The following ENPP7 variants were observed in gnomAD, a reference collection of about 807,000 sequenced individuals.
The protein encoded by ENPP7 is ectonucleotide pyrophosphatase/phosphodiesterase family member 7.
Under a neutral mutation model 33.6 loss-of-function variants are expected in ENPP7, and 39 were observed. The observed-to-expected ratio is 1.16, with a 90% CI of 0.90 to 1.52. ENPP7 has a LOEUF of 1.52. ENPP7 is among the 40% of genes most tolerant of loss of function. The pLI, the probability that ENPP7 is intolerant of heterozygous loss-of-function variation, is 0.00. For missense variants in ENPP7, 594 were observed against 641.0 expected (o/e 0.93, Z 0.79); for synonymous variants, 244 against 274.3 (o/e 0.89, Z 1.09).
intron 1 of ENPP7, among the ~76,000 whole-genome samples, chr17:79,732,925 C>A (rs1272075078): frequency 6.6e-6 from 1 of 152,238 alleles, no homozygotes; most frequent in Non-Finnish European, 1.5e-5. Context: ...CTCCCGTCTG[C>A]GCAGCGCCTC....
intron 5 of ENPP7, among the ~76,000 whole-genome samples, chr17:79,740,746 C>T (rs1905466052): frequency 6.6e-6 from 1 of 152,208 alleles, no homozygotes; most frequent in Non-Finnish European, 1.5e-5. Context: ...CCTCAAAAAG[C>T]CCTGCTGTTG....
At chr17:79,732,096 TA>T (rs2094286457) in intron 1 of ENPP7, among the ~76,000 whole-genome samples, 2 of 74,740 alleles carry the variant, frequency 2.7e-5, no homozygotes, top group Non-Finnish European at 5.8e-5. Flanking sequence ...AGACTGCATA[TA>T]ATATATATAT....
Position 79,741,102 on chromosome 17 carries a change from A to G in ENPP7, c.*17-692A>G, listed in dbSNP as rs1438466645. ...TGGGCTCAAGCAATCCTCCCATCTC[A>G]GCCTCCTGAGTAGCTGAGACTACAG... On this transcript the variant is annotated intron_variant, in intron 5 of 5. Coordinates refer to ENST00000328313, the MANE Select transcript of ENPP7 (RefSeq NM_178543.5). 2.0e-5 allele frequency among the ~76,000 whole-genome samples: 3 copies of G among 152,122 alleles called. No homozygotes were observed. The East Asian group carries it at 5.8e-4, about 29-fold the overall frequency.
intron 2 of ENPP7, among the ~76,000 whole-genome samples, chr17:79,734,272 G>A (rs944230357): frequency 6.6e-5 from 10 of 151,682 alleles, no homozygotes; most frequent in South Asian, 2.1e-4. Flanking sequence ...GCCCACCCCA[G>A]AGCCAAGTTA....
Position 79,738,095 on chromosome 17 carries a change from G to A in ENPP7, c.*16+33G>A, listed in dbSNP as rs1555824020. The A allele has an allele frequency of 6.3e-7, 1 of 1,594,126 alleles. No individual in the cohort carries two copies. The highest frequency in any genetic ancestry group is 1.3e-5 in the African/African-American group (1 of 74,720). On this transcript the variant is annotated intron_variant, in intron 5 of 5. Transcript: ENST00000328313. This position sits in a 1 kb window ranked among gnomAD's most constrained non-coding sequence, Gnocchi z 6.2. ...ACCCAGAAGGCAGAGGCGGGAGGGT[G>A]GCCCCACGCTCCCTGACCCTCCACC... is the stretch of plus-strand genomic sequence containing the variant.
At chr17:79,740,974 CTTCTTTTCTT>C (rs1192665881) in intron 5 of ENPP7, among the ~76,000 whole-genome samples, 5 of 152,062 alleles carry the variant, frequency 3.3e-5, no homozygotes, top group Admixed American at 6.6e-5. Context: ...CTGTGGCTAG[CTTCTTTTCTT>C]TTCTTTTCTT....
In ENPP7 at chr17:79,735,274, G is replaced by T; in HGVS notation, c.631G>T (p.Glu211Ter). Residue 211 changes from glutamate (E) to a stop codon, truncating the protein, a stop_gained, in exon 3 of 6, where the codon GAG (glutamate) becomes TAG (stop). Transcript: ENST00000328313. LOFTEE classifies it high-confidence loss of function. The surrounding 1 kb of genome is among the most constrained non-coding windows in gnomAD (Gnocchi z 5.5). ...TGHRYGPESPERREMVRQVDR... is the reference protein window; with the variant it reads ...TGHRYGPESP Reference sequence around the variant, plus strand: ...CCACAGGTACGGCCCCGAGTCCCCGGAGAGGAGGGAGATGGTGCGGCAGGT... The same window carrying T: ...CCACAGGTACGGCCCCGAGTCCCCGTAGAGGAGGGAGATGGTGCGGCAGGT... 1 of 1,613,580 alleles carries T rather than the reference G, an allele frequency of 6.2e-7. No homozygotes were observed. Among genetic ancestry groups the T allele is most frequent in the Non-Finnish European group, 8.5e-7 (1 of 1,180,032 alleles).
Position 79,733,663 on chromosome 17 carries a change from C to T in ENPP7, c.399+10C>T. The T allele has an allele frequency of 1.9e-6, 3 of 1,604,374 alleles. No homozygotes were observed. Among genetic ancestry groups the T allele is most frequent in the South Asian group, 2.2e-5 (2 of 90,090 alleles). Reference sequence around the variant, plus strand: ...CACAGCCCAGAGGCAGGTAATGTCACCCCCGCCCATACTGACATCGCAGAG... The same window carrying T: ...CACAGCCCAGAGGCAGGTAATGTCATCCCCGCCCATACTGACATCGCAGAG... On this transcript the variant is annotated intron_variant, in intron 2 of 5. Transcript: ENST00000328313.
In ENPP7 at chr17:79,737,857, G is replaced by A. The variant is rs1171258964; in HGVS notation, c.1247-59G>A. ...AACAGAGGACCCCGAGTTTACTGTG[G>A]AGAGGCTGGGGTGAGGAGCCATCCC... On this transcript the variant is annotated intron_variant, in intron 4 of 5. Transcript: ENST00000328313. The surrounding 1 kb of genome is among the most constrained non-coding windows in gnomAD (Gnocchi z 5.5). The A allele has an allele frequency of 1.8e-5, 28 of 1,590,972 alleles. No homozygotes were observed. The African/African-American group carries it at 2.7e-4, about 15-fold the overall frequency.
chr17:79,730,994 C>T lies in ENPP7; in HGVS notation c.-146C>T. ...GGCACTGACACGGCTGGGGAGCCCACTCCCGAGGTTCGACCCGGGGATGTG... is the reference window on the plus strand; with the variant it reads ...GGCACTGACACGGCTGGGGAGCCCATTCCCGAGGTTCGACCCGGGGATGTG... On this transcript the variant is annotated 5_prime_UTR_variant, in exon 1 of 6. Coordinates refer to ENST00000328313, the MANE Select transcript of ENPP7 (RefSeq NM_178543.5). 2.3e-6 allele frequency: 2 copies of T among 857,308 alleles called. No homozygotes were observed. The highest frequency in any genetic ancestry group is 5.4e-5 in the East Asian group (2 of 36,738). 53.1% of individuals were successfully genotyped at this position (857,308 alleles called of 1,614,324 possible).
rs782438596 is a variant in ENPP7, at chr17:79,735,534, C to T, written c.891C>T (p.Tyr297=). The T allele has an allele frequency of 4.2e-5, 68 of 1,613,796 alleles. No homozygotes were observed. The highest frequency in any genetic ancestry group is 4.7e-5 in the Non-Finnish European group (55 of 1,180,012). The stretch of plus-strand genomic sequence containing the variant: ...AAGAAGGGAGGCTGGAGAAGGTGTA[C>T]GATGCCCTCAAGGACGCCCACCCCA... ...LPKEGRLEKV[Y]DALKDAHPKL... The change falls in exon 3 of 6, where the codon TAC becomes TAT. Residue 297 remains tyrosine, a synonymous_variant. Transcript: ENST00000328313. This position sits in a 1 kb window ranked among gnomAD's most constrained non-coding sequence, Gnocchi z 5.5.
chr17:79,734,714 G>A (rs934631445), intron 2 of ENPP7, among the ~76,000 whole-genome samples: 21 of 152,050 alleles, frequency 1.4e-4, no homozygotes, highest in Non-Finnish European at 2.1e-4. Context: ...TCCTGACCTC[G>A]GGATCCACCC....
In ENPP7 at chr17:79,741,979, A is replaced by G. The variant is rs3194491; in HGVS notation, c.*202A>G. The G allele has an allele frequency of 0.33, 325,032 of 983,974 alleles. 54,437 individuals carry two copies. The highest frequency in any genetic ancestry group is 0.4 in the African/African-American group (22,754 of 57,166). The allele number at this position is 983,974 out of a possible 1,614,324, so 61.0% of individuals were successfully genotyped here. On this transcript the variant is annotated 3_prime_UTR_variant, in exon 6 of 6. Coordinates refer to ENST00000328313, the MANE Select transcript of ENPP7 (RefSeq NM_178543.5). ...AATAAGCCTCGCAGCCCAGGTCCAG[A>G]GCCCCCGGCGAGCCGGTCCCATAAC... is the stretch of plus-strand genomic sequence containing the variant.
Position 79,742,075 on chromosome 17 carries a change from G to A in ENPP7, c.*298G>A. ...CCCTCCTCCTGCAAAACCCGCTCCC[G>A]AAGCGGCGCTGCCGTCTGCAGCCAC... On this transcript the variant is annotated 3_prime_UTR_variant, in exon 6 of 6. Transcript: ENST00000328313. The A allele has an allele frequency of 2.3e-6, 1 of 437,220 alleles. No homozygotes were observed. Among genetic ancestry groups the A allele is most frequent in the Non-Finnish European group, 3.0e-6 (1 of 328,764 alleles). 27.1% of individuals were successfully genotyped at this position (437,220 alleles called of 1,614,324 possible). A position where few individuals can be genotyped will look rare whatever the true frequency, so the allele number is the denominator to read the frequency against.
Position 79,732,123 on chromosome 17 carries a change from T to TATATATATATATACATATATACAC in ENPP7, c.253+739_253+740insATATACATATATACACATATATAT, listed in dbSNP as rs1487716435. Among the ~76,000 whole-genome samples, 46 of 37,744 alleles carry TATATATATATATACATATATACAC rather than the reference T, an allele frequency of 1.2e-3. 8 individuals carry two copies. The highest frequency in any genetic ancestry group is 1.7e-3 in the Non-Finnish European group (35 of 20,346). 24.8% of individuals were successfully genotyped at this position (37,744 alleles called of 152,430 possible). ...ATATATATATACATATATATATACA[T>TATATATATATATACATATATACAC]ATATATATGTATATATATATATATA... On this transcript the variant is annotated intron_variant, in intron 1 of 5. Coordinates refer to ENST00000328313, the MANE Select transcript of ENPP7 (RefSeq NM_178543.5).
At chr17:79,734,837 G>A (rs1555823146) in intron 2 of ENPP7, among the ~76,000 whole-genome samples, 1 of 152,156 alleles carries the variant, frequency 6.6e-6, no homozygotes, top group Non-Finnish European at 1.5e-5. Flanking sequence ...GGCACCTGTT[G>A]TTTCCTCTAT....
In ENPP7 at chr17:79,739,648, C is replaced by G. The variant is rs566250666; in HGVS notation, c.*16+1586C>G. The G allele has an allele frequency of 1.3e-5, 2 of 152,306 alleles. No homozygotes were observed. The highest frequency in any genetic ancestry group is 6.5e-5 in the Admixed American group (1 of 15,286). 9.4% of individuals were successfully genotyped at this position (152,306 alleles called of 1,614,324 possible). A position where few individuals can be genotyped will look rare whatever the true frequency, so the allele number is the denominator to read the frequency against. Reference sequence around the variant, plus strand: ...CGGGGGGGCCGAGACTTGTTTCGGCCGTGATCAGCCTCAATGCCGGCGACG... The same window carrying G: ...CGGGGGGGCCGAGACTTGTTTCGGCGGTGATCAGCCTCAATGCCGGCGACG... On this transcript the variant is annotated intron_variant, in intron 5 of 5. Transcript: ENST00000328313. This position sits in a 1 kb window ranked among gnomAD's most constrained non-coding sequence, Gnocchi z 4.4.
In ENPP7 at chr17:79,735,899, G is replaced by A. The variant is rs2094294818; in HGVS notation, c.1026+230G>A. Reference sequence around the variant, plus strand: ...ACCACCATGCCTGGCTAATTTTTGTGTGTGTTTTGTTTTGTTTTGTTTCAT... The same window carrying A: ...ACCACCATGCCTGGCTAATTTTTGTATGTGTTTTGTTTTGTTTTGTTTCAT... On this transcript the variant is annotated intron_variant, in intron 3 of 5. Coordinates refer to ENST00000328313, the MANE Select transcript of ENPP7 (RefSeq NM_178543.5). The surrounding 1 kb of genome is among the most constrained non-coding windows in gnomAD (Gnocchi z 5.5). Among the ~76,000 whole-genome samples, 1 of 151,560 alleles carries A rather than the reference G, an allele frequency of 6.6e-6. No homozygotes were observed. Among genetic ancestry groups the A allele is most frequent in the African/African-American group, 2.4e-5 (1 of 41,314 alleles).
In ENPP7 at chr17:79,731,336, A is replaced by G. The variant is rs373060319; in HGVS notation, c.197A>G (p.Tyr66Cys). 953 of 1,613,588 alleles carry G rather than the reference A, an allele frequency of 5.9e-4. 14 individuals carry two copies. In the South Asian group the frequency reaches 9.9e-3, roughly 17 times the overall value. ...AMARDGVKARYMTPAFVTMTS... is the reference protein window; with the variant it reads ...AMARDGVKARCMTPAFVTMTS... ...GCCCGAGACGGGGTGAAGGCACGCTACATGACCCCCGCCTTTGTCACCATG... is the reference window on the plus strand; with the variant it reads ...GCCCGAGACGGGGTGAAGGCACGCTGCATGACCCCCGCCTTTGTCACCATG... The change falls in exon 1 of 6, where the codon TAC becomes TGC. Residue 66 changes from tyrosine to cysteine, a missense_variant. Physicochemically the swap from Tyr to Cys is radical, Grantham distance 194. Coordinates refer to ENST00000328313, the MANE Select transcript of ENPP7 (RefSeq NM_178543.5).
Sources: allele counts gnomAD v4.1 joint callset (sites outside exome capture counted in the v4.1 genomes callset), GRCh38; gene constraint gnomAD v4.1.1; non-coding constraint Gnocchi (gnomAD v3.1); transcripts MANE v1.5; gene names NCBI Gene and HGNC (gene_info 2026-07-23, HGNC 2026-07-21).